Variants in LINGO2 observed in about 807,000 individuals in gnomAD.
LINGO2 encodes leucine-rich repeat and immunoglobulin-like domain-containing nogo receptor-interacting protein 2.
Under a neutral mutation model 30.6 loss-of-function variants are expected in LINGO2, and 14 were observed. The ratio of observed to expected loss-of-function variants is 0.46; its 90% CI spans 0.30 to 0.72. The LOEUF is 0.72. LINGO2 is among the 30% of genes least tolerant of loss of function. The probability of loss-of-function intolerance (pLI) is 0.07; values close to 1 mark genes in which losing one functional copy is unlikely to be tolerated. For synonymous variants in LINGO2, 317 were observed against 288.5 expected (o/e 1.10, Z -1.00); for missense variants, 729 against 751.7 (o/e 0.97, Z 0.35).
the LINGO2 span, among the ~76,000 whole-genome samples, chr9:29,162,931 A>T: frequency 4.6e-5 from 7 of 152,164 alleles, no homozygotes; most frequent in Admixed American, 1.3e-4. Context: ...TACAAAAAGA[A>T]AATGTCTGGT....
chr9:28,801,685 C>A, the LINGO2 span, among the ~76,000 whole-genome samples: 1 of 151,990 alleles, frequency 6.6e-6, no homozygotes, highest in Admixed American at 6.6e-5. Context: ...CTATGTTAAT[C>A]TTTTCTTTTA....
chr9:28,849,951 G>C, the LINGO2 span, among the ~76,000 whole-genome samples: 5,434 of 151,964 alleles, frequency 0.036, 330 homozygotes, highest in African/African-American at 0.12. Context: ...TGTATATTTT[G>C]TCTGGCCTAA....
intron 4 of LINGO2, among the ~76,000 whole-genome samples, chr9:28,231,241 A>G (rs1396884501): frequency 1.3e-5 from 2 of 152,044 alleles, no homozygotes; most frequent in African/African-American, 4.8e-5. Flanking sequence ...AAGGTGAAGG[A>G]GGACAACATG....
At chr9:28,021,702 T>C (rs532111831) in intron 4 of LINGO2, among the ~76,000 whole-genome samples, 1 of 152,266 alleles carries the variant, frequency 6.6e-6, no homozygotes, top group African/African-American at 2.4e-5. Context: ...TGGATTGTTA[T>C]GTACTCTTGG....
chr9:27,963,753 A>G (rs1301050205), intron 5 of LINGO2, among the ~76,000 whole-genome samples: 1 of 151,446 alleles, frequency 6.6e-6, no homozygotes, highest in Non-Finnish European at 1.5e-5. Context: ...AAAAAAAAAA[A>G]GCAAGCAAAG....
the LINGO2 span, among the ~76,000 whole-genome samples, chr9:28,735,656 C>T: frequency 2.0e-5 from 3 of 151,928 alleles, no homozygotes; most frequent in African/African-American, 7.2e-5. Flanking sequence ...CTTGAAAACT[C>T]TTTAAAAAGA....
At chr9:28,764,522 T>C in the LINGO2 span, among the ~76,000 whole-genome samples, 1 of 151,892 alleles carries the variant, frequency 6.6e-6, no homozygotes, top group African/African-American at 2.4e-5. Flanking sequence ...GTAAAGGCCA[T>C]ATCTAAGCCC....
chr9:28,308,201 C>G (rs2134240271), intron 3 of LINGO2, among the ~76,000 whole-genome samples: 1 of 128,560 alleles, frequency 7.8e-6, no homozygotes, highest in Admixed American at 7.9e-5. Flanking sequence ...CTACAGTAAC[C>G]AAAACAGCAT....
chr9:28,685,555 GAT>G, the LINGO2 span, among the ~76,000 whole-genome samples: 2 of 151,878 alleles, frequency 1.3e-5, no homozygotes, highest in African/African-American at 4.8e-5. Context: ...ATTATACTCA[GAT>G]ATCTTTGGAA....
At chr9:28,726,744 T>C in the LINGO2 span, among the ~76,000 whole-genome samples, 1 of 152,208 alleles carries the variant, frequency 6.6e-6, no homozygotes, top group Non-Finnish European at 1.5e-5. Context: ...AGACAATAGA[T>C]GTAGTGTAAT....
At chr9:28,565,838 G>A (rs113634729) in intron 1 of LINGO2, among the ~76,000 whole-genome samples, 7,260 of 152,170 alleles carry the variant, frequency 0.048, 204 homozygotes, top group African/African-American at 0.077. Context: ...ACAGGCGTGA[G>A]CCACTGTGAC....
chr9:28,761,384 C>A, the LINGO2 span, among the ~76,000 whole-genome samples: 1 of 151,554 alleles, frequency 6.6e-6, no homozygotes, highest in Non-Finnish European at 1.5e-5. Flanking sequence ...AAGAGATGTA[C>A]TGAGGAAGTA....
chr9:28,966,192 G>A, the LINGO2 span, among the ~76,000 whole-genome samples: 1 of 152,096 alleles, frequency 6.6e-6, no homozygotes, highest in Non-Finnish European at 1.5e-5. Context: ...GAGAAATTAA[G>A]AGGCTGAAAA....
chr9:28,312,039 G>C (rs1030857261), intron 3 of LINGO2, among the ~76,000 whole-genome samples: 1 of 151,994 alleles, frequency 6.6e-6, no homozygotes, highest in Non-Finnish European at 1.5e-5. Context: ...CCCTCCGTTC[G>C]GGGTCCCTGA....
At chr9:28,165,249 A>G (rs1228508081) in intron 4 of LINGO2, among the ~76,000 whole-genome samples, 1 of 152,230 alleles carries the variant, frequency 6.6e-6, no homozygotes, top group African/African-American at 2.4e-5. Flanking sequence ...TGTTCAAAGC[A>G]GAAGTGAATC....
chr9:28,596,741 A>G (rs1203542197), intron 1 of LINGO2, among the ~76,000 whole-genome samples: 2 of 152,240 alleles, frequency 1.3e-5, no homozygotes, highest in Non-Finnish European at 2.9e-5. Flanking sequence ...TGATGAATAC[A>G]TAATATACAT....
chr9:28,293,753 G>T (rs544740883), intron 4 of LINGO2, among the ~76,000 whole-genome samples: 2 of 151,970 alleles, frequency 1.3e-5, no homozygotes, highest in Non-Finnish European at 2.9e-5. Flanking sequence ...CCAATTTTGT[G>T]GTAAATTCTG....
intron 3 of LINGO2, among the ~76,000 whole-genome samples, chr9:28,296,749 C>T (rs956803126): frequency 1.3e-5 from 2 of 152,088 alleles, no homozygotes; most frequent in South Asian, 2.1e-4. Flanking sequence ...AAAGCAGGAG[C>T]GTTATGTTGA....
chr9:28,380,321 G>A (rs1018950748), intron 2 of LINGO2, among the ~76,000 whole-genome samples: 4 of 151,064 alleles, frequency 2.6e-5, no homozygotes, highest in African/African-American at 7.3e-5. Context: ...GCCACCAGAC[G>A]CAAGCTAGGT....
Sources: allele counts gnomAD v4.1 joint callset (sites outside exome capture counted in the v4.1 genomes callset), GRCh38; gene constraint gnomAD v4.1.1; transcripts MANE v1.5; gene names NCBI Gene and HGNC (gene_info 2026-07-23, HGNC 2026-07-21).